RUBCN: variants seen among roughly 807,000 people sequenced by gnomAD.
RUBCN encodes the protein rubicon autophagy regulator, also known as run domain Beclin-1-interacting and cysteine-rich domain-containing protein.
A neutral mutation model predicts 113.2 loss-of-function variants in RUBCN; 74 were observed. The ratio of observed to expected loss-of-function variants is 0.65; its 90% confidence interval spans 0.54 to 0.79. The LOEUF (loss-of-function observed/expected upper bound fraction) is 0.79, where lower values mean the gene tolerates loss of function less well. RUBCN is among the 30% of genes least tolerant of loss of function. The pLI, the probability that RUBCN is intolerant of heterozygous loss-of-function variation, is 0.00. For synonymous variants in RUBCN, 480 were observed against 490.0 expected (o/e 0.98, Z 0.27); for missense variants, 1,109 against 1,251.7 (o/e 0.89, Z 1.72).
intron 1 of RUBCN, among the ~76,000 whole-genome samples, chr3:197,746,501 G>A (rs1008265109): frequency 6.6e-6 from 1 of 151,990 alleles, no homozygotes; most frequent in Non-Finnish European, 1.5e-5. Flanking sequence ...ATAATTTAAA[G>A]TTTCAACAGC....
Position 197,681,767 on chromosome 3 carries a change from C to G in RUBCN, c.2191+68G>C. 7.1e-7 allele frequency: 1 copy of G among 1,402,946 alleles called. No homozygotes were observed. The highest frequency in any genetic ancestry group is 1.0e-6 in the Non-Finnish European group (1 of 987,422). 86.9% of individuals were successfully genotyped at this position (1,402,946 alleles called of 1,614,324 possible). A position where few individuals can be genotyped will look rare whatever the true frequency, so the allele number is the denominator to read the frequency against. On this transcript the variant is annotated intron_variant, in intron 15 of 19. Coordinates refer to ENST00000296343, the MANE Select transcript of RUBCN (RefSeq NM_014687.4). The surrounding 1 kb of genome is among the most constrained non-coding windows in gnomAD (Gnocchi z 5.5). ...CCTGCTACCGCCTTTGACACGCCAC[C>G]TCTCCCTACGTGTCGGGGAGGGTAC...
In RUBCN at chr3:197,672,421, T is replaced by A. The variant is rs1719878747; in HGVS notation, c.*2597A>T. The A allele has an allele frequency of 1.3e-5, 2 of 152,194 alleles. No homozygotes were observed. The highest frequency in any genetic ancestry group is 1.3e-4 in the Admixed American group (2 of 15,292). 9.4% of individuals were successfully genotyped at this position (152,194 alleles called of 1,614,324 possible). ...CCAAAACATCCCATCCTCTACCCAC[T>A]TCCCCCCTCTTGAATAAATAACTGG... On this transcript the variant is annotated 3_prime_UTR_variant, in exon 20 of 20. Coordinates refer to ENST00000296343, the MANE Select transcript of RUBCN (RefSeq NM_014687.4).
chr3:197,696,085 G>A (rs1722968382), intron 8 of RUBCN, 104 bp from the exon 9 acceptor site: 1 of 1,096,306 alleles, frequency 9.1e-7, no homozygotes, highest in Non-Finnish European at 1.4e-6. Context: ...CTGGGAATTA[G>A]AGGTTGGAAG....
chr3:197,704,390 C>T (rs562901655), intron 4 of RUBCN, 152 bp downstream of exon 4: 32 of 766,374 alleles, frequency 4.2e-5, no homozygotes, highest in Non-Finnish European at 5.6e-5. Context: ...GCCGAGATCA[C>T]GCCATTGCAC....
chr3:197,739,427 C>T (rs1455513461), upstream of RUBCN, among the ~76,000 whole-genome samples: 1 of 148,760 alleles, frequency 6.7e-6, no homozygotes, highest in Non-Finnish European at 1.5e-5. Context: ...GGCGTGGTGG[C>T]TCATGCCTGT....
In RUBCN at chr3:197,670,130, G is replaced by A. The variant is rs1193144555; in HGVS notation, c.*4888C>T. On this transcript the variant is annotated 3_prime_UTR_variant, in exon 20 of 20. Coordinates refer to ENST00000296343, the MANE Select transcript of RUBCN (RefSeq NM_014687.4). Reference sequence around the variant, plus strand: ...TCCCAATCTCTTGACCTCGTGATCCGCCCGCCTCGGCCTCCCAAAGTGCTG... The same window carrying A: ...TCCCAATCTCTTGACCTCGTGATCCACCCGCCTCGGCCTCCCAAAGTGCTG... Among the ~76,000 whole-genome samples the A allele has an allele frequency of 2.0e-5, 3 of 152,092 alleles. No homozygotes were observed. The highest frequency in any genetic ancestry group is 2.0e-4 in the Admixed American group (3 of 15,268).
chr3:197,736,833 G>C lies in RUBCN; in HGVS notation c.-114C>G. ...AGGCACCTGCGGCCGGTGGGCTCCG[G>C]GTGATGCGCTACACCCGGGCGGCGA... On this transcript the variant is annotated 5_prime_UTR_variant, in exon 1 of 20. Transcript: ENST00000296343. The C allele has an allele frequency of 7.1e-7, 1 of 1,413,354 alleles. No individual in the cohort carries two copies. The highest frequency in any genetic ancestry group is 9.1e-7 in the Non-Finnish European group (1 of 1,092,920). The allele number at this position is 1,413,354 out of a possible 1,614,324, so 87.6% of individuals were successfully genotyped here.
intron 11 of RUBCN, among the ~76,000 whole-genome samples, chr3:197,691,628 A>G (rs1487867224): frequency 6.6e-6 from 1 of 152,164 alleles, no homozygotes; most frequent in Non-Finnish European, 1.5e-5. Flanking sequence ...CAGGGCCTAC[A>G]ACCGCAGCAA....
chr3:197,701,826 CTT>C lies in RUBCN; in HGVS notation c.607_608del (p.Lys203GlufsTer29), dbSNP rs745750977. ...RKHESPLLVTKSQSLTALPSS... is the reference protein window; with the variant it reads ...RKHESPLLVTXSQSLTALPSS... ...TGGGCAGGGCTGTCAGGCTCTGGCT[CTT>C]TGTCACCAGGAGCGGGCTCTCGTGC... On this transcript the variant is annotated frameshift_variant, in exon 6 of 20. Transcript: ENST00000296343. LOFTEE classifies it high-confidence loss of function. The C allele has an allele frequency of 1.9e-6, 3 of 1,614,052 alleles. No homozygotes were observed. Among genetic ancestry groups the C allele is most frequent in the African/African-American group, 1.3e-5 (1 of 74,914 alleles).
At chr3:197,686,870 A>C (rs1267874423) in intron 11 of RUBCN, among the ~76,000 whole-genome samples, 1 of 152,254 alleles carries the variant, frequency 6.6e-6, no homozygotes, top group Non-Finnish European at 1.5e-5. Flanking sequence ...AGTTTTTGCC[A>C]TTACTTTTGC....
Position 197,675,006 on chromosome 3 carries a change from C to T in RUBCN, c.*12G>A. On this transcript the variant is annotated 3_prime_UTR_variant, in exon 20 of 20. Transcript: ENST00000296343. The surrounding 1 kb of genome is among the most constrained non-coding windows in gnomAD (Gnocchi z 4.4). ...GTGACCCGGCCCGGAGGGAGGGCTGCACGTGCTTTCTTCAGGTGGCCTCCA... is the reference window on the plus strand; with the variant it reads ...GTGACCCGGCCCGGAGGGAGGGCTGTACGTGCTTTCTTCAGGTGGCCTCCA... 1 of 1,610,296 alleles carries T rather than the reference C, an allele frequency of 6.2e-7. No individual in the cohort carries two copies. The highest frequency in any genetic ancestry group is 8.5e-7 in the Non-Finnish European group (1 of 1,179,832).
At chr3:197,677,115 G>A in intron 17 of RUBCN, 77 bp from the exon 18 acceptor site, 1 of 1,472,148 alleles carries the variant, frequency 6.8e-7, no homozygotes, top group South Asian at 1.1e-5. Flanking sequence ...TCCCTATCCA[G>A]AAACTGCAGA....
At chr3:197,717,844 A>T in intron 2 of RUBCN, 133 bp downstream of exon 2, 4 of 930,132 alleles carry the variant, frequency 4.3e-6, no homozygotes, top group Non-Finnish European at 6.9e-6. Context: ...TCTGTATATT[A>T]AAAAAATGAA....
intron 7 of RUBCN, among the ~76,000 whole-genome samples, chr3:197,699,005 T>C (rs1310652900): frequency 6.6e-6 from 1 of 152,128 alleles, no homozygotes; most frequent in Non-Finnish European, 1.5e-5. Flanking sequence ...AACGAGGCAT[T>C]TGGAATTGTG....
rs1176470920 is a variant in RUBCN, at chr3:197,671,273, C to CA, written c.*3744dup. 1.3e-5 allele frequency: 2 copies of CA among 152,166 alleles called. No individual in the cohort carries two copies. Among genetic ancestry groups the CA allele is most frequent in the African/African-American group, 4.8e-5 (2 of 41,428 alleles). 9.4% of individuals were successfully genotyped at this position (152,166 alleles called of 1,614,324 possible). ...AGGTGATCCCCCTGCCTTGGTCTCT[C>CA]AAAGTACTGGATGACACTCGTGAGC... is the stretch of plus-strand genomic sequence containing the variant. On this transcript the variant is annotated 3_prime_UTR_variant, in exon 20 of 20. Coordinates refer to ENST00000296343, the MANE Select transcript of RUBCN (RefSeq NM_014687.4).
rs544299785 is a variant in RUBCN at position 197,674,146 on chromosome 3, A to G, written c.*872T>C. The G allele has an allele frequency of 6.6e-6, 1 of 152,586 alleles. No homozygotes were observed. The highest frequency in any genetic ancestry group is 1.9e-4 in the East Asian group (1 of 5,190). The allele number at this position is 152,586 out of a possible 1,614,324, so 9.5% of individuals were successfully genotyped here. A position where few individuals can be genotyped will look rare whatever the true frequency, so the allele number is the denominator to read the frequency against. On this transcript the variant is annotated 3_prime_UTR_variant, in exon 20 of 20. Coordinates refer to ENST00000296343, the MANE Select transcript of RUBCN (RefSeq NM_014687.4). The stretch of plus-strand genomic sequence containing the variant: ...GGGACCTGCCTGAGCTTCAAAGATC[A>G]CACCTGCACCAAAAAGCCAGGTTAA...
rs190282208 is a variant in RUBCN, at chr3:197,706,738, C to A, written c.220-1563G>T. ...CCAATCAATGGTACAAAATAAATAG[C>A]CTGAAAGAGACCTTAAGATATATCA... is the stretch of plus-strand genomic sequence containing the variant. On this transcript the variant is annotated intron_variant, in intron 2 of 19. Transcript: ENST00000296343. Among the ~76,000 whole-genome samples, 369 of 152,144 alleles carry A rather than the reference C, an allele frequency of 2.4e-3. 1 individual carries two copies. Among genetic ancestry groups the A allele is most frequent in the African/African-American group, 8.3e-3 (344 of 41,526 alleles).
chr3:197,701,657 C>G, intron 6 of RUBCN, 51 bp downstream of exon 6: 2 of 1,579,056 alleles, frequency 1.3e-6, no homozygotes, highest in South Asian at 1.1e-5. Context: ...AGTCTTCTTA[C>G]TTTCCAGGGC....
chr3:197,749,818 GGCCCC>G, upstream of RUBCN: 1 of 476,026 alleles, frequency 2.1e-6, no homozygotes, highest in Non-Finnish European at 3.6e-6. Flanking sequence ...GAGTGTCGGT[GGCCCC>G]GCCCCGCCCG....
Sources: gnomAD v4.1 joint callset for allele counts (sites outside exome capture counted in the v4.1 genomes callset) on GRCh38, gnomAD v4.1.1 for gene constraint, Gnocchi (gnomAD v3.1) non-coding constraint, MANE v1.5 for transcripts, NCBI Gene and HGNC (gene_info 2026-07-23, HGNC 2026-07-21) for gene names.